The following SMOC2 variants were observed in gnomAD, a reference collection of about 807,000 sequenced individuals.
The protein encoded by SMOC2 is SPARC related modular calcium binding 2, also known as SPARC-related modular calcium-binding protein 2.
A neutral mutation model predicts 61.4 loss-of-function variants in SMOC2; 39 were observed. That is an observed-to-expected ratio of 0.64 (90% CI 0.49 to 0.83). The LOEUF (loss-of-function observed/expected upper bound fraction) is 0.83, where lower values mean the gene tolerates loss of function less well. Ranked by LOEUF, SMOC2 falls within the 40% of genes least tolerant of loss-of-function variation. The probability of loss-of-function intolerance (pLI) is 0.00; values close to 1 mark genes in which losing one functional copy is unlikely to be tolerated. For missense variants in SMOC2, 556 were observed against 592.9 expected, an observed-to-expected ratio of 0.94 and a Z score of 0.65; for synonymous variants, 247 against 239.9, an observed-to-expected ratio of 1.03 and a Z score of -0.27.
intron 4 of SMOC2, among the ~76,000 whole-genome samples, chr6:168,532,723 G>A (rs1275438488): frequency 1.3e-5 from 2 of 152,154 alleles, no homozygotes; most frequent in African/African-American, 4.8e-5. Context: ...TTGGAGTTAC[G>A]TGTTTGAAGG....
At chr6:168,472,499 T>C (rs918872827) in intron 1 of SMOC2, among the ~76,000 whole-genome samples, 7 of 152,164 alleles carry the variant, frequency 4.6e-5, no homozygotes, top group African/African-American at 1.7e-4. Flanking sequence ...CAAAAAAAGT[T>C]TTTTTAAAAG....
rs3065283 is a variant in SMOC2 at position 168,516,376 on chromosome 6, C to CAAAAAA, written c.256+6299_256+6304dup. ...AATCTCTGGCATTCCATAGAAAAGC[C>CAAAAAA]AAAAAAAAAAAAAAGCCAAATGCCA... On this transcript the variant is annotated intron_variant, in intron 2 of 12. Coordinates refer to ENST00000356284, the MANE Select transcript of SMOC2 (RefSeq NM_001166412.2). Among the ~76,000 whole-genome samples the CAAAAAA allele has an allele frequency of 4.5e-5, 6 of 134,096 alleles. No individual in the cohort carries two copies. The South Asian group carries it at 1.4e-3, about 31-fold the overall frequency. 88.0% of individuals were successfully genotyped at this position (134,096 alleles called of 152,430 possible).
chr6:168,638,813 C>A (rs1583179240), intron 9 of SMOC2, among the ~76,000 whole-genome samples: 1 of 152,246 alleles, frequency 6.6e-6, no homozygotes, highest in Middle Eastern at 3.4e-3. Flanking sequence ...GCTCCTCGTT[C>A]CATTTGAGAT....
chr6:168,462,662 C>G (rs1781741778), intron 1 of SMOC2, among the ~76,000 whole-genome samples: 1 of 152,156 alleles, frequency 6.6e-6, no homozygotes, highest in African/African-American at 2.4e-5. Context: ...CTCAGCAATT[C>G]AGGCTGCAAG....
chr6:168,560,519 C>T (rs62422462), intron 7 of SMOC2, among the ~76,000 whole-genome samples: 13,267 of 124,902 alleles, frequency 0.11, 1,478 homozygotes, highest in Non-Finnish European at 0.14. Flanking sequence ...GCTCTCACTG[C>T]GTTCTTGGAG....
rs1450261241 is a variant in SMOC2 at position 168,535,611 on chromosome 6, C to T, written c.463+7884C>T. Among the ~76,000 whole-genome samples, 1 of 152,078 alleles carries T rather than the reference C, an allele frequency of 6.6e-6. No homozygotes were observed. Among genetic ancestry groups the T allele is most frequent in the Non-Finnish European group, 1.5e-5 (1 of 68,008 alleles). ...AAAAAGACCCACGAAGCATAAAAGC[C>T]GGTGCCACAAAGTCCACCGAAACCC... is the stretch of plus-strand genomic sequence containing the variant. On this transcript the variant is annotated intron_variant, in intron 4 of 12. Transcript: ENST00000356284. The surrounding 1 kb of genome is among the most constrained non-coding windows in gnomAD (Gnocchi z 4.6).
At chr6:168,663,432 C>CT (rs1787572892) in intron 11 of SMOC2, among the ~76,000 whole-genome samples, 1 of 152,208 alleles carries the variant, frequency 6.6e-6, no homozygotes. Flanking sequence ...TGGGGCATTG[C>CT]TGATGGCTTC....
At chr6:168,486,811 C>A (rs998810681) in intron 1 of SMOC2, among the ~76,000 whole-genome samples, 4 of 152,106 alleles carry the variant, frequency 2.6e-5, no homozygotes, top group African/African-American at 9.7e-5. Flanking sequence ...TATCCAAATC[C>A]ATGTCTTCTG....
intron 9 of SMOC2, among the ~76,000 whole-genome samples, chr6:168,626,937 G>T (rs1176883732): frequency 1.3e-5 from 2 of 152,198 alleles, no homozygotes; most frequent in Non-Finnish European, 2.9e-5. Context: ...CCTGCCGGGA[G>T]AGTCATTCTT....
chr6:168,549,172 A>C lies in SMOC2; in HGVS notation c.606A>C (p.Lys202Asn). 4 of 1,614,194 alleles carry C rather than the reference A, an allele frequency of 2.5e-6. No individual in the cohort carries two copies. The highest frequency in any genetic ancestry group is 3.4e-6 in the Non-Finnish European group (4 of 1,180,024). Residue 202 changes from lysine (K) to asparagine (N), a missense_variant, in exon 7 of 13, where the codon AAA (lysine) becomes AAC (asparagine). Coordinates refer to ENST00000356284, the MANE Select transcript of SMOC2 (RefSeq NM_001166412.2). ...CTACCCTTTGGACTGAACAGGTTAA[A>C]AGTCGGCAGAACAAAACCAATAAGA... ...RYPTLWTEQVKSRQNKTNKNS... is the reference protein window; with the variant it reads ...RYPTLWTEQVNSRQNKTNKNS...
At chr6:168,497,965 C>T (rs1025680327) in intron 1 of SMOC2, among the ~76,000 whole-genome samples, 5 of 152,074 alleles carry the variant, frequency 3.3e-5, no homozygotes, top group African/African-American at 4.8e-5. Flanking sequence ...TGACCTTTAC[C>T]GCTGGGCCAT....
intron 9 of SMOC2, among the ~76,000 whole-genome samples, chr6:168,632,261 G>A (rs1262165894): frequency 1.3e-5 from 2 of 152,124 alleles, no homozygotes; most frequent in African/African-American, 4.8e-5. Context: ...AACGGCTGGG[G>A]CTTCCTTAAT....
chr6:168,607,739 G>A (rs930006711), intron 8 of SMOC2, among the ~76,000 whole-genome samples: 6 of 92,666 alleles, frequency 6.5e-5, no homozygotes, highest in African/African-American at 2.0e-4. Context: ...CTCTGTCCTC[G>A]TGCACACACT....
chr6:168,583,535 C>G (rs1046918351), intron 7 of SMOC2, among the ~76,000 whole-genome samples: 1 of 152,138 alleles, frequency 6.6e-6, no homozygotes, highest in Non-Finnish European at 1.5e-5. Context: ...GGGTTCCAGA[C>G]TACAGGGGTG....
chr6:168,458,895 T>C (rs555488992), intron 1 of SMOC2, among the ~76,000 whole-genome samples: 1 of 152,230 alleles, frequency 6.6e-6, no homozygotes, highest in Non-Finnish European at 1.5e-5. Context: ...AGCTAATTCA[T>C]TGTATTAACT....
intron 1 of SMOC2, among the ~76,000 whole-genome samples, chr6:168,472,984 G>T (rs1357539072): frequency 6.6e-6 from 1 of 151,602 alleles, no homozygotes; most frequent in East Asian, 2.0e-4. Context: ...GGAAGGCTCC[G>T]ATTCATACAA....
chr6:168,519,243 G>T (rs73257010), intron 2 of SMOC2, among the ~76,000 whole-genome samples: 27,661 of 151,352 alleles, frequency 0.18, 2,888 homozygotes, highest in East Asian at 0.35. Context: ...GTGCATGTTT[G>T]TGTGTTCATG....
chr6:168,644,628 C>T (rs1046732183), intron 9 of SMOC2, among the ~76,000 whole-genome samples: 11 of 145,852 alleles, frequency 7.5e-5, no homozygotes, highest in African/African-American at 2.3e-4. Context: ...AATGTTGGGT[C>T]AATGTGAATG....
intron 1 of SMOC2, among the ~76,000 whole-genome samples, chr6:168,491,259 A>C (rs1417861813): frequency 6.6e-6 from 1 of 152,226 alleles, no homozygotes; most frequent in Non-Finnish European, 1.5e-5. Context: ...GAGACAGATG[A>C]TGCTGAACGG....
Sources: gnomAD v4.1 joint callset for allele counts (sites outside exome capture counted in the v4.1 genomes callset) on GRCh38, gnomAD v4.1.1 for gene constraint, Gnocchi (gnomAD v3.1) non-coding constraint, MANE v1.5 for transcripts, NCBI Gene and HGNC (gene_info 2026-07-23, HGNC 2026-07-21) for gene names.